ESRRG: variants seen among roughly 807,000 people sequenced by gnomAD.
ESRRG encodes estrogen-related receptor gamma.
In ESRRG, 13 loss-of-function variants were observed where a neutral mutation model predicts 44.0. That is an observed-to-expected ratio of 0.30 (90% CI 0.19 to 0.47). The LOEUF is 0.47. Among genes scored for constraint, ESRRG ranks in the 20% least tolerant of loss-of-function variants. The pLI is 1.00. For missense variants in ESRRG, 395 were observed against 580.6 expected, an observed-to-expected ratio of 0.68 and a Z score of 3.29; for synonymous variants, 215 against 214.6, an observed-to-expected ratio of 1.00 and a Z score of -0.02.
At chr1:217,067,847 GA>G (rs1164164190) in intron 1 of ESRRG, among the ~76,000 whole-genome samples, 3 of 151,760 alleles carry the variant, frequency 2.0e-5, no homozygotes, top group Non-Finnish European at 2.9e-5. Flanking sequence ...TTTCAAAGGG[GA>G]AAAAAAACCC....
chr1:216,878,477 C>T (rs201242428), intron 2 of ESRRG, among the ~76,000 whole-genome samples: 1 of 152,046 alleles, frequency 6.6e-6, no homozygotes, highest in Admixed American at 6.5e-5. Context: ...ACTCCTTTTC[C>T]ATTTGTAGAT....
intron 4 of ESRRG, among the ~76,000 whole-genome samples, chr1:216,565,978 C>T (rs1005715796): frequency 5.3e-5 from 3 of 56,512 alleles, no homozygotes; most frequent in African/African-American, 2.3e-4. Context: ...AATCATGATT[C>T]TAGTTGTTTT....
At chr1:216,931,129 C>A in intron 2 of ESRRG, among the ~76,000 whole-genome samples, 1 of 152,146 alleles carries the variant, frequency 6.6e-6, no homozygotes, top group African/African-American at 2.4e-5. Context: ...CTGTCACTGT[C>A]TGGTCCCAAA....
Position 216,820,426 on chromosome 1 carries a change from C to A in ESRRG, c.-14+119156G>T, listed in dbSNP as rs556535279. ...TTGTAGGAAAAATCAAACATAATGTCTTTGACATTCCCTCTGCCTTATGTC... is the reference window on the plus strand; with the variant it reads ...TTGTAGGAAAAATCAAACATAATGTATTTGACATTCCCTCTGCCTTATGTC... On this transcript the variant is annotated intron_variant, in intron 2 of 7. Coordinates refer to the ESRRG transcript ENST00000359162. Among the ~76,000 whole-genome samples, 4 of 152,308 alleles carry A rather than the reference C, an allele frequency of 2.6e-5. No individual in the cohort carries two copies. In the East Asian group the frequency reaches 7.7e-4, roughly 29 times the overall value.
chr1:216,867,498 C>T (rs750974558), intron 2 of ESRRG, among the ~76,000 whole-genome samples: 1 of 152,108 alleles, frequency 6.6e-6, no homozygotes, highest in Non-Finnish European at 1.5e-5. Context: ...TATTTAACTA[C>T]TTAAGATAAC....
chr1:216,826,872 C>T (rs2095406358), intron 2 of ESRRG, among the ~76,000 whole-genome samples: 2 of 152,144 alleles, frequency 1.3e-5, no homozygotes, highest in Non-Finnish European at 2.9e-5. Context: ...GCTTGGTAAG[C>T]TCTGCAATAA....
chr1:216,506,796 C>T lies in ESRRG; in HGVS notation c.*143G>A, dbSNP rs962561109. 6 of 874,562 alleles carry T rather than the reference C, an allele frequency of 6.9e-6. No individual in the cohort carries two copies. The highest frequency in any genetic ancestry group is 1.1e-5 in the Non-Finnish European group (6 of 566,782). The allele number at this position is 874,562 out of a possible 1,614,324, so 54.2% of individuals were successfully genotyped here. A position where few individuals can be genotyped will look rare whatever the true frequency, so the allele number is the denominator to read the frequency against. ...AACCTATGGAGGAATCTGAAAGCTGCTTCATAGTCTTGCTGCTAAATTATC... is the reference window on the plus strand; with the variant it reads ...AACCTATGGAGGAATCTGAAAGCTGTTTCATAGTCTTGCTGCTAAATTATC... On this transcript the variant is annotated 3_prime_UTR_variant, in exon 7 of 7. Transcript: ENST00000408911.
chr1:216,677,776 C>A (rs1457227031), intron 1 of ESRRG, among the ~76,000 whole-genome samples: 1 of 152,136 alleles, frequency 6.6e-6, no homozygotes, highest in African/African-American at 2.4e-5. Flanking sequence ...CCCAGACAGG[C>A]CATAAACAAA....
intron 1 of ESRRG, among the ~76,000 whole-genome samples, chr1:217,097,447 A>T (rs1206588302): frequency 6.6e-6 from 1 of 152,208 alleles, no homozygotes; most frequent in Non-Finnish European, 1.5e-5. Context: ...TTCATTTGAC[A>T]CTGATATGTA....
intron 1 of ESRRG, among the ~76,000 whole-genome samples, chr1:216,688,698 G>GT (rs906966482): frequency 6.6e-6 from 1 of 151,484 alleles, no homozygotes; most frequent in Non-Finnish European, 1.5e-5. Flanking sequence ...CATATTTGGG[G>GT]TAAAAAAAAA....
chr1:216,885,993 A>T (rs76340987), intron 2 of ESRRG, among the ~76,000 whole-genome samples: 2 of 151,448 alleles, frequency 1.3e-5, no homozygotes, highest in African/African-American at 4.9e-5. Flanking sequence ...TAAAAAAAAA[A>T]CTCCTTTTCC....
chr1:216,695,684 C>T (rs903061880), intron 1 of ESRRG, among the ~76,000 whole-genome samples: 1 of 152,070 alleles, frequency 6.6e-6, no homozygotes, highest in Admixed American at 6.6e-5. Context: ...AACACATCAT[C>T]TCTGTTTACT....
intron 1 of ESRRG, among the ~76,000 whole-genome samples, chr1:217,056,460 A>T (rs1272969440): frequency 6.6e-6 from 1 of 151,990 alleles, no homozygotes; most frequent in African/African-American, 2.4e-5. Context: ...AGTATGCAAG[A>T]CTTTTTCCAC....
Position 216,745,263 on chromosome 1 carries a change from A to G in ESRRG, c.-13-67772T>C, listed in dbSNP as rs1482832629. Among the ~76,000 whole-genome samples, 5 of 152,058 alleles carry G rather than the reference A, an allele frequency of 3.3e-5. No homozygotes were observed. In the East Asian group the frequency reaches 7.8e-4, roughly 24 times the overall value. ...AGCCTCAAACTCCTGGGCTCCAGCG[A>G]TCCTCTCACTTCCAGCCTCCTAAAT... is the stretch of plus-strand genomic sequence containing the variant. On this transcript the variant is annotated intron_variant, in intron 2 of 7. Transcript: ENST00000359162.
At chr1:216,625,423 C>CAAAAAAAA (rs57817803) in intron 3 of ESRRG, among the ~76,000 whole-genome samples, 6,647 of 115,094 alleles carry the variant, frequency 0.058, 408 homozygotes, top group East Asian at 0.12. Context: ...GCTCATTTGG[C>CAAAAAAAA]AAAAAAAAAA....
intron 1 of ESRRG, among the ~76,000 whole-genome samples, chr1:216,691,537 C>A (rs1447641914): frequency 2.6e-5 from 4 of 152,136 alleles, no homozygotes; most frequent in Admixed American, 2.6e-4. Context: ...CCTTCTTTAA[C>A]TTTCACACAC....
chr1:216,953,342 C>G (rs772517419), intron 1 of ESRRG, among the ~76,000 whole-genome samples: 18 of 152,262 alleles, frequency 1.2e-4, no homozygotes, highest in African/African-American at 4.1e-4. Flanking sequence ...TACCTCTGCA[C>G]GACCGCACCT....
intron 2 of ESRRG, among the ~76,000 whole-genome samples, chr1:216,763,640 T>C (rs1397009579): frequency 1.3e-5 from 2 of 152,206 alleles, no homozygotes; most frequent in African/African-American, 2.4e-5. Context: ...TTCTATTTTT[T>C]GATTTGCAGT....
At position 217,088,398 on chromosome 1, in the gene ESRRG, CTTTTTTTTTT is replaced by C. The variant is rs71585811; in HGVS notation, c.-106+1099_-106+1108del. Among the ~76,000 whole-genome samples, 83 of 59,738 alleles carry C rather than the reference CTTTTTTTTTT, an allele frequency of 1.4e-3. 1 individual carries two copies. The East Asian group carries it at 0.049, about 35-fold the overall frequency. The allele number at this position is 59,738 out of a possible 152,430, so 39.2% of individuals were successfully genotyped here. ...TGCTGAGAATTTCTTTTTTTCCTGTCTTTTTTTTTTTTTTTTTTTTTTTTTTTTGAGAGAG... is the reference window on the plus strand; with the variant it reads ...TGCTGAGAATTTCTTTTTTTCCTGTCTTTTTTTTTTTTTTTTTTGAGAGAG... On this transcript the variant is annotated intron_variant, in intron 1 of 7. Transcript: ENST00000359162.
Sources: allele counts gnomAD v4.1 joint callset (sites outside exome capture counted in the v4.1 genomes callset), GRCh38; gene constraint gnomAD v4.1.1; transcripts MANE v1.5; gene names NCBI Gene and HGNC (gene_info 2026-07-23, HGNC 2026-07-21).